Variants in ZDHHC11 observed in about 807,000 individuals in gnomAD.
ZDHHC11 encodes the protein palmitoyltransferase ZDHHC11.
Under a neutral mutation model 51.3 loss-of-function variants are expected in ZDHHC11, and 44 were observed. The ratio of observed to expected loss-of-function variants is 0.86; its 90% confidence interval spans 0.67 to 1.10. The LOEUF is 1.10. Among genes scored for constraint, ZDHHC11 ranks in the 50% least tolerant of loss-of-function variants. ZDHHC11 has a pLI of 0.00. For synonymous variants in ZDHHC11, 163 were observed against 222.0 expected, an observed-to-expected ratio of 0.73 and a Z score of 2.36; for missense variants, 400 against 537.7, an observed-to-expected ratio of 0.74 and a Z score of 2.53.
upstream of ZDHHC11, among the ~76,000 whole-genome samples, chr5:859,616 C>T (rs950279989): frequency 8.5e-5 from 13 of 152,158 alleles, no homozygotes; most frequent in African/African-American, 2.9e-4. Flanking sequence ...CACGTGTTTT[C>T]GTAGTCTCGC....
chr5:810,623 A>C (rs1376202537), intron 11 of ZDHHC11, among the ~76,000 whole-genome samples: 5 of 151,374 alleles, frequency 3.3e-5, no homozygotes, highest in Non-Finnish European at 7.4e-5. Flanking sequence ...CAGAGCCTGA[A>C]GTAAAAGGCT....
intron 1 of ZDHHC11, among the ~76,000 whole-genome samples, chr5:849,417 G>A (rs1434165613): frequency 1.3e-5 from 2 of 152,118 alleles, no homozygotes; most frequent in Admixed American, 6.5e-5. Flanking sequence ...GAGGAGCCTG[G>A]GTTCTTTCAT....
intron 7 of ZDHHC11, among the ~76,000 whole-genome samples, chr5:829,834 A>C (rs1206877844): frequency 2.0e-5 from 3 of 151,554 alleles, no homozygotes; most frequent in Admixed American, 6.6e-5. Flanking sequence ...GAATGGTTTA[A>C]TATATGCAAG....
chr5:857,004 G>A (rs1298289386), intron 1 of ZDHHC11, among the ~76,000 whole-genome samples: 4 of 146,234 alleles, frequency 2.7e-5, no homozygotes, highest in Admixed American at 2.1e-4. Flanking sequence ...ACCACATACC[G>A]CACACATACA....
chr5:849,364 A>G (rs556553782), intron 1 of ZDHHC11, among the ~76,000 whole-genome samples: 1 of 152,288 alleles, frequency 6.6e-6, no homozygotes, highest in East Asian at 1.9e-4. Flanking sequence ...CAGGAGGGAC[A>G]TCCCAGGTAT....
In ZDHHC11 at chr5:821,848, C is replaced by T; in HGVS notation, c.1058+13G>A. 1.9e-6 allele frequency: 3 copies of T among 1,601,188 alleles called. No individual in the cohort carries two copies. The highest frequency in any genetic ancestry group is 1.7e-5 in the Admixed American group (1 of 59,202). On this transcript the variant is annotated intron_variant, in intron 9 of 12. Coordinates refer to ENST00000283441, the MANE Select transcript of ZDHHC11 (RefSeq NM_024786.3). ...TAATAGATAAAATAATCCCATTAAA[C>T]TTACAAACTCACCCAAGTGCAGATG...
chr5:797,607 A>T (rs1737777168), intron 12 of ZDHHC11, among the ~76,000 whole-genome samples: 1 of 151,420 alleles, frequency 6.6e-6, no homozygotes, highest in Non-Finnish European at 1.5e-5. Context: ...GATATTTCTC[A>T]TAAGTTTTAT....
At chr5:842,718 C>A (rs374211821) in intron 4 of ZDHHC11, 31,022 of 824,686 alleles carry the variant, frequency 0.038, no homozygotes, top group African/African-American at 0.28. Flanking sequence ...GGCAGCTTCT[C>A]CAGCAGACTC....
At chr5:855,569 GC>G (rs761252286), upstream of ZDHHC11, among the ~76,000 whole-genome samples, 4 of 148,714 alleles carry the variant, frequency 2.7e-5, no homozygotes, top group Non-Finnish European at 5.9e-5. Context: ...AGGACAGCAA[GC>G]CGGGGGGACA....
In ZDHHC11 at chr5:819,534, C is replaced by T. The variant is rs373132607; in HGVS notation, c.1137G>A (p.Ser379=). 2.4e-5 allele frequency: 39 copies of T among 1,609,408 alleles called. 5 individuals carry two copies. Among genetic ancestry groups the T allele is most frequent in the African/African-American group, 4.0e-5 (3 of 74,754 alleles). The change falls in exon 10 of 13, where the codon TCG becomes TCA. Residue 379 remains serine, a synonymous_variant. Transcript: ENST00000283441. ...FSTRVHPDGG[S]MAQEADDAPS... is the part of the protein sequence containing the mutation. The stretch of plus-strand genomic sequence containing the variant: ...AGTGATTGCAACTTACCTGTGCCAT[C>T]GAGCCCCCGTCTGGGTGTACACGAG...
rs867896207 is a variant in ZDHHC11 at position 820,190 on chromosome 5, A to G, written c.1059-578T>C. On this transcript the variant is annotated intron_variant, in intron 9 of 12. Coordinates refer to ENST00000283441, the MANE Select transcript of ZDHHC11 (RefSeq NM_024786.3). ...CTTGCCCAAAATGCATCACAGAGAA[A>G]GCATTTTTGTATTTTACTTAAAAGA... is the stretch of plus-strand genomic sequence containing the variant. Among the ~76,000 whole-genome samples the G allele has an allele frequency of 5.3e-5, 8 of 151,608 alleles. No individual in the cohort carries two copies. The South Asian group carries it at 8.4e-4, about 16-fold the overall frequency.
chr5:838,179 G>A (rs1744185081), intron 5 of ZDHHC11, among the ~76,000 whole-genome samples: 1 of 151,990 alleles, frequency 6.6e-6, no homozygotes, highest in African/African-American at 2.4e-5. Context: ...GGACAGCTCA[G>A]CAGGCTGGCC....
At position 801,860 on chromosome 5, in the gene ZDHHC11, G is replaced by T. The variant is rs1428497557; in HGVS notation, c.1182-696C>A. 3.3e-5 allele frequency among the ~76,000 whole-genome samples: 5 copies of T among 151,438 alleles called. No individual in the cohort carries two copies. The South Asian group carries it at 1.0e-3, about 32-fold the overall frequency. Reference sequence around the variant, plus strand: ...TAGGAGACTTCTAAATCAAAACTGCGTATCCATCACATGCTATAGTCTCCC... The same window carrying T: ...TAGGAGACTTCTAAATCAAAACTGCTTATCCATCACATGCTATAGTCTCCC... On this transcript the variant is annotated intron_variant, in intron 11 of 12. Transcript: ENST00000283441.
At chr5:846,592 T>G (rs1232984021) in intron 3 of ZDHHC11, among the ~76,000 whole-genome samples, 1 of 144,298 alleles carries the variant, frequency 6.9e-6, no homozygotes, top group African/African-American at 2.7e-5. Context: ...CTCTCGTTCT[T>G]GCACCTCCAC....
At chr5:843,238 T>C (rs993105408) in intron 4 of ZDHHC11, 22 of 413,076 alleles carry the variant, frequency 5.3e-5, no homozygotes, top group South Asian at 2.5e-4. Flanking sequence ...TCCTGCAGGA[T>C]GGGCACCCCC....
At chr5:828,668 A>G (rs1194665589) in intron 7 of ZDHHC11, among the ~76,000 whole-genome samples, 8 of 151,362 alleles carry the variant, frequency 5.3e-5, no homozygotes, top group African/African-American at 1.7e-4. Flanking sequence ...AGATATTTAC[A>G]GAACACTCTA....
rs554923642 is a variant in ZDHHC11, at chr5:806,753, C to T, written c.1182-5589G>A. On this transcript the variant is annotated intron_variant, in intron 11 of 12. Transcript: ENST00000283441. ...CAAGTGCTTCATGGAAGAGAAAACT[C>T]GTATGGCTCACATGTGTTCAGATTC... Among the ~76,000 whole-genome samples the T allele has an allele frequency of 9.9e-5, 15 of 151,006 alleles. No individual in the cohort carries two copies. In the South Asian group the frequency reaches 2.3e-3, roughly 23 times the overall value.
At chr5:799,472 C>T (rs760644869) in intron 12 of ZDHHC11, among the ~76,000 whole-genome samples, 2 of 151,668 alleles carry the variant, frequency 1.3e-5, no homozygotes, top group African/African-American at 2.4e-5. Flanking sequence ...GACTAAGACA[C>T]GCCTTGTGTC....
At chr5:852,772 CGGGGG>C (rs1579828615), upstream of ZDHHC11, among the ~76,000 whole-genome samples, 5 of 137,978 alleles carry the variant, frequency 3.6e-5, no homozygotes, top group East Asian at 1.1e-3. Context: ...GACAGCGAGC[CGGGGG>C]AAGAGACCCC....
Sources: gnomAD v4.1 joint callset for allele counts (sites outside exome capture counted in the v4.1 genomes callset) on GRCh38, gnomAD v4.1.1 for gene constraint, MANE v1.5 for transcripts, NCBI Gene and HGNC (gene_info 2026-07-23, HGNC 2026-07-21) for gene names.